MAP3K14: variants seen among roughly 807,000 people sequenced by gnomAD.
The protein encoded by MAP3K14 is mitogen-activated protein kinase kinase kinase 14, also known as NF-kappa-beta-inducing kinase.
In MAP3K14, 16 loss-of-function variants were observed where a neutral mutation model predicts 99.2. The observed-to-expected ratio is 0.16, with a 90% CI of 0.11 to 0.24. The LOEUF (loss-of-function observed/expected upper bound fraction) is 0.24. MAP3K14 is among the 10% of genes least tolerant of loss of function. MAP3K14 has a pLI of 1.00. For synonymous variants in MAP3K14, 462 were observed against 492.4 expected (o/e 0.94, Z 0.82); for missense variants, 784 against 1,208.7 (o/e 0.65, Z 5.21).
chr17:45,314,863 A>G (rs1034747437), intron 1 of MAP3K14, among the ~76,000 whole-genome samples: 21 of 152,166 alleles, frequency 1.4e-4, no homozygotes, highest in African/African-American at 2.2e-4. Context: ...AAAAATAGGA[A>G]GTTAAAAGTG....
Position 45,274,142 on chromosome 17 carries a change from A to G in MAP3K14, c.1533T>C (p.Ile511=), listed in dbSNP as rs1415089566. The G allele has an allele frequency of 6.2e-7, 1 of 1,609,016 alleles. No individual in the cohort carries two copies. The highest frequency in any genetic ancestry group is 2.2e-5 in the East Asian group (1 of 44,728). ...EGLEYLHSRR[I]LHGDVKADNV... ...CCTTACCTTTGACGTCCCCATGCAG[A>G]ATCCTTCGTGAGTGGAGGTATTCCA... Residue 511 remains isoleucine (I), a synonymous_variant, in exon 8 of 16, where the codon ATT becomes ATC. Coordinates refer to ENST00000344686, the MANE Select transcript of MAP3K14 (RefSeq NM_003954.5).
chr17:45,283,599 C>G (rs749201702), intron 6 of MAP3K14, among the ~76,000 whole-genome samples: 1 of 152,198 alleles, frequency 6.6e-6, no homozygotes, highest in Non-Finnish European at 1.5e-5. Flanking sequence ...CTGAATGGAG[C>G]CAGCGTGTGC....
At chr17:45,294,867 TA>T (rs1442061050) in intron 1 of MAP3K14, among the ~76,000 whole-genome samples, 2 of 152,218 alleles carry the variant, frequency 1.3e-5, no homozygotes, top group Non-Finnish European at 2.9e-5. Context: ...TAAAATGAGG[TA>T]AAATTTTAAA....
Position 45,290,476 on chromosome 17 carries a change from C to T in MAP3K14, c.256+14G>A, listed in dbSNP as rs766700723. On this transcript the variant is annotated intron_variant, in intron 2 of 15. Coordinates refer to ENST00000344686, the MANE Select transcript of MAP3K14 (RefSeq NM_003954.5). Reference sequence around the variant, plus strand: ...CCCACCTGCCCCGTGCCCACAACAACCCTAGGCCCCTACACTCAGCCTGGG... The same window carrying T: ...CCCACCTGCCCCGTGCCCACAACAATCCTAGGCCCCTACACTCAGCCTGGG... The T allele has an allele frequency of 2.5e-6, 4 of 1,613,794 alleles. No individual in the cohort carries two copies. The highest frequency in any genetic ancestry group is 3.4e-6 in the Non-Finnish European group (4 of 1,179,830).
chr17:45,297,553 G>A (rs2044354937), intron 1 of MAP3K14, among the ~76,000 whole-genome samples: 1 of 152,152 alleles, frequency 6.6e-6, no homozygotes, highest in Admixed American at 6.5e-5. Flanking sequence ...ACACAAACAG[G>A]AGTTCTAGGT....
rs1243095655 is a variant in MAP3K14 at position 45,272,100 on chromosome 17, A to G, written c.1658-879T>C. Among the ~76,000 whole-genome samples the G allele has an allele frequency of 6.6e-6, 1 of 151,856 alleles. No individual in the cohort carries two copies. The highest frequency in any genetic ancestry group is 1.9e-4 in the East Asian group (1 of 5,156). ...ACTTTGGGAGACTGAGGTGGGAGGAATGCTTAAATCCAGGAATTTAAGACC... is the reference window on the plus strand; with the variant it reads ...ACTTTGGGAGACTGAGGTGGGAGGAGTGCTTAAATCCAGGAATTTAAGACC... On this transcript the variant is annotated intron_variant, in intron 9 of 15. Coordinates refer to ENST00000344686, the MANE Select transcript of MAP3K14 (RefSeq NM_003954.5). This position sits in a 1 kb window ranked among gnomAD's most constrained non-coding sequence, Gnocchi z 4.1.
At chr17:45,273,421 C>T in intron 9 of MAP3K14, 82 bp downstream of exon 9, 1 of 1,105,098 alleles carries the variant, frequency 9.0e-7, no homozygotes, top group Non-Finnish European at 1.3e-6. Context: ...GTGTTCACAC[C>T]TCAATTCCCA....
At chr17:45,293,071 G>A (rs952797627) in intron 1 of MAP3K14, among the ~76,000 whole-genome samples, 4 of 152,236 alleles carry the variant, frequency 2.6e-5, no homozygotes, top group Non-Finnish European at 5.9e-5. Flanking sequence ...CCTCCCCAGT[G>A]TATAGCACAG....
In MAP3K14 at chr17:45,286,421, G is replaced by T. The variant is rs1283355784; in HGVS notation, c.1152+10C>A. On this transcript the variant is annotated intron_variant, in intron 5 of 15. Coordinates refer to ENST00000344686, the MANE Select transcript of MAP3K14 (RefSeq NM_003954.5). This position sits in a 1 kb window ranked among gnomAD's most constrained non-coding sequence, Gnocchi z 4.1. ...AGAGGGACATATACAGGTGCCGGGG[G>T]ATTAGTTACCTCAGTGAGCAGGACA... is the stretch of plus-strand genomic sequence containing the variant. 12 of 1,576,780 alleles carry T rather than the reference G, an allele frequency of 7.6e-6. No homozygotes were observed. Among genetic ancestry groups the T allele is most frequent in the Non-Finnish European group, 1.0e-5 (12 of 1,157,678 alleles).
chr17:45,311,113 T>G (rs1598268257), intron 1 of MAP3K14, among the ~76,000 whole-genome samples: 1 of 152,256 alleles, frequency 6.6e-6, no homozygotes, highest in East Asian at 1.9e-4. Flanking sequence ...ATTAACTAGC[T>G]GTGTGGCCTT....
intron 6 of MAP3K14, chr17:45,282,289 A>G (rs935462539): frequency 1.8e-4 from 27 of 151,786 alleles, no homozygotes; most frequent in African/African-American, 6.5e-4. Context: ...TTAAAATGGG[A>G]TCCTGGTGGG....
intron 1 of MAP3K14, among the ~76,000 whole-genome samples, chr17:45,293,847 A>G (rs531108086): frequency 3.0e-4 from 46 of 152,224 alleles, no homozygotes; most frequent in African/African-American, 8.9e-4. Flanking sequence ...GCACACACAG[A>G]CACACACACA....
Position 45,274,214 on chromosome 17 carries a change from G to A in MAP3K14, c.1461C>T (p.Leu487=). ...LGQLVKEQGC[L]PEDRALYYLG... ...GGTAGTACAGGGCCCGGTCCTCTGG[G>A]AGACAGCCCTGCTCCTTGACCAGCT... The change falls in exon 8 of 16, where the codon CTC becomes CTT. Residue 487 remains leucine, a synonymous_variant. Coordinates refer to ENST00000344686, the MANE Select transcript of MAP3K14 (RefSeq NM_003954.5). 1 of 1,598,932 alleles carries A rather than the reference G, an allele frequency of 6.3e-7. No individual in the cohort carries two copies. Among genetic ancestry groups the A allele is most frequent in the Non-Finnish European group, 8.5e-7 (1 of 1,172,776 alleles).
chr17:45,280,278 C>T (rs1372211109), intron 6 of MAP3K14, among the ~76,000 whole-genome samples: 1 of 151,242 alleles, frequency 6.6e-6, no homozygotes, highest in Non-Finnish European at 1.5e-5. Context: ...TGTGATTGCC[C>T]ATACATGCAA....
chr17:45,304,518 T>C (rs2044416652), intron 1 of MAP3K14, among the ~76,000 whole-genome samples: 1 of 152,256 alleles, frequency 6.6e-6, no homozygotes, highest in Non-Finnish European at 1.5e-5. Context: ...ATGGGTTATA[T>C]CTTTTCTCCT....
intron 8 of MAP3K14, 100 bp downstream of exon 8, chr17:45,274,023 C>T: frequency 2.8e-6 from 4 of 1,406,340 alleles, no homozygotes; most frequent in East Asian, 2.4e-5. Context: ...GGGCCTGCTA[C>T]TGGGGATGAC....
In MAP3K14 at chr17:45,290,636, C is replaced by T. The variant is rs2044302946; in HGVS notation, c.110G>A (p.Ser37Asn). 1.9e-6 allele frequency: 3 copies of T among 1,613,702 alleles called. No individual in the cohort carries two copies. Among genetic ancestry groups the T allele is most frequent in the Non-Finnish European group, 2.5e-6 (3 of 1,179,856 alleles). ...CACGGCCTCAAGCTTGTAGACGGAGCTCTGTTTCTTCCCCAGTGGCGGCGT... is the reference window on the plus strand; with the variant it reads ...CACGGCCTCAAGCTTGTAGACGGAGTTCTGTTTCTTCCCCAGTGGCGGCGT... ...EKTPPLGKKQ[S>N]SVYKLEAVEK... Residue 37 changes from serine to asparagine, a missense_variant, in exon 2 of 16, where the codon AGC (serine) becomes AAC (asparagine). Ser to Asn is a conservative substitution (Grantham distance 46). Around this residue, in one of 5 missense-constraint regions of MAP3K14, gnomAD observed 188 missense variants for 313.0 expected, o/e 0.60. Transcript: ENST00000344686.
intron 1 of MAP3K14, among the ~76,000 whole-genome samples, chr17:45,300,905 G>T (rs534930216): frequency 9.2e-5 from 14 of 152,294 alleles, no homozygotes; most frequent in African/African-American, 3.1e-4. Context: ...GGTGGCTTAT[G>T]CCTGTAATAC....
chr17:45,274,444 A>T lies in MAP3K14; in HGVS notation c.1420+20T>A, dbSNP rs756890468. On this transcript the variant is annotated intron_variant, in intron 7 of 15. Transcript: ENST00000344686. Reference sequence around the variant, plus strand: ...CTCTTGGCCCTGAATTTGGAGAAAGAGTGGGACCTGGCTCCTTACCTTCCA... The same window carrying T: ...CTCTTGGCCCTGAATTTGGAGAAAGTGTGGGACCTGGCTCCTTACCTTCCA... 1.2e-6 allele frequency: 2 copies of T among 1,612,976 alleles called. No individual in the cohort carries two copies. The highest frequency in any genetic ancestry group is 1.7e-6 in the Non-Finnish European group (2 of 1,179,480).
Sources: allele counts gnomAD v4.1 joint callset (sites outside exome capture counted in the v4.1 genomes callset), GRCh38; gene constraint gnomAD v4.1.1; regional missense constraint gnomAD v4.1.1; non-coding constraint Gnocchi (gnomAD v3.1); transcripts MANE v1.5; gene names NCBI Gene and HGNC (gene_info 2026-07-23, HGNC 2026-07-21).